The following GPRIN1 variants were observed in gnomAD, a reference collection of about 807,000 sequenced individuals.
GPRIN1 encodes the protein G protein regulated inducer of neurite outgrowth 1.
In GPRIN1, 4 loss-of-function variants were observed where a neutral mutation model predicts 2.8. That is an observed-to-expected ratio of 1.45 (90% CI 0.71 to 3.32). The LOEUF (loss-of-function observed/expected upper bound fraction) is 3.32. Ranked by LOEUF, GPRIN1 falls within the 30% of genes most tolerant of loss-of-function variation. The pLI is 0.01. For synonymous variants in GPRIN1, 589 were observed against 589.9 expected (o/e 1.00, Z 0.02); for missense variants, 1,322 against 1,343.4 (o/e 0.98, Z 0.25).
At chr5:176,600,087 C>T (rs542896670) in intron 1 of GPRIN1, among the ~76,000 whole-genome samples, 1 of 152,342 alleles carries the variant, frequency 6.6e-6, no homozygotes, top group African/African-American at 2.4e-5. Flanking sequence ...AGGCATTCAA[C>T]GCCCTTCACA....
chr5:176,597,611 T>C lies in GPRIN1; in HGVS notation c.2224A>G (p.Arg742Gly). The C allele has an allele frequency of 1.2e-6, 2 of 1,600,062 alleles. No individual in the cohort carries two copies. Among genetic ancestry groups the C allele is most frequent in the Non-Finnish European group, 1.7e-6 (2 of 1,178,794 alleles). ...GGCTCCACGCGGCCTTCACTGCCCC[T>C]GGCACCCTCGGGAGACCGGGCTGAG... ...LGSARSPEGA[R>G]GSEGRVEPKA... Residue 742 changes from arginine (R) to glycine (G), a missense_variant, in exon 2 of 2, where the codon AGG (arginine) becomes GGG (glycine). This residue lies in a region of GPRIN1 where 1,117 missense variants were observed against 1,128.6 expected (regional missense o/e 0.99). Transcript: ENST00000303991. The surrounding 1 kb of genome is among the most constrained non-coding windows in gnomAD (Gnocchi z 6.1).
Position 176,597,457 on chromosome 5 carries a change from T to C in GPRIN1, c.2378A>G (p.Asn793Ser), listed in dbSNP as rs1008721053. ...CTCCCACGACGGCGCCTTGGTGAAG[T>C]TGTCGCGAGTCCGCGGCCCCGGCGG... ...APPPGPRTRD[N>S]FTKAPSWEAS... Residue 793 changes from asparagine to serine, a missense_variant, in exon 2 of 2, where the codon AAC becomes AGC. By Grantham distance (46) the Asn-to-Ser change is conservative. Transcript: ENST00000303991. The surrounding 1 kb of genome is among the most constrained non-coding windows in gnomAD (Gnocchi z 6.1). 23 of 1,317,842 alleles carry C rather than the reference T, an allele frequency of 1.7e-5. No homozygotes were observed. The highest frequency in any genetic ancestry group is 2.0e-5 in the Non-Finnish European group (21 of 1,037,722). 81.6% of individuals were successfully genotyped at this position (1,317,842 alleles called of 1,614,324 possible).
Position 176,596,768 on chromosome 5 carries a change from T to C in GPRIN1, c.*40A>G, listed in dbSNP as rs1446170712. 7.2e-7 allele frequency: 1 copy of C among 1,389,198 alleles called. No homozygotes were observed. The highest frequency in any genetic ancestry group is 1.7e-5 in the South Asian group (1 of 59,914). The allele number at this position is 1,389,198 out of a possible 1,614,324, so 86.1% of individuals were successfully genotyped here. On this transcript the variant is annotated 3_prime_UTR_variant, in exon 2 of 2. Coordinates refer to ENST00000303991, the MANE Select transcript of GPRIN1 (RefSeq NM_052899.3). The surrounding 1 kb of genome is among the most constrained non-coding windows in gnomAD (Gnocchi z 5.2). ...GGGGCCTGTGATCAAGAAGGGAGCCTGAGAAGGTCGGAAACTCGGGCGTAC... is the reference window on the plus strand; with the variant it reads ...GGGGCCTGTGATCAAGAAGGGAGCCCGAGAAGGTCGGAAACTCGGGCGTAC...
rs1193082156 is a variant in GPRIN1 at position 176,598,075 on chromosome 5, G to A, written c.1760C>T (p.Ser587Leu). The change falls in exon 2 of 2, where the codon TCG becomes TTG. Residue 587 changes from serine (S) to leucine (L), a missense_variant. Around this residue, in one of 3 missense-constraint regions of GPRIN1, gnomAD observed 1,117 missense variants for 1,128.6 expected, o/e 0.99. Transcript: ENST00000303991. ...CAGGGACACGGGATCCACCTTCCCC[G>A]AGGGCACCGGGACTGTTTTTCCTGG... ...STPGKTVPVP[S>L]GKVDPVSLGK... 3.7e-6 allele frequency: 6 copies of A among 1,613,792 alleles called. No homozygotes were observed. The highest frequency in any genetic ancestry group is 3.3e-5 in the Admixed American group (2 of 59,998).
Position 176,599,682 on chromosome 5 carries a change from CT to C in GPRIN1, c.152del (p.Lys51ArgfsTer85). The C allele has an allele frequency of 1.3e-6, 2 of 1,570,318 alleles. No homozygotes were observed. Among genetic ancestry groups the C allele is most frequent in the Non-Finnish European group, 1.7e-6 (2 of 1,156,544 alleles). On this transcript the variant is annotated frameshift_variant, in exon 2 of 2. Coordinates refer to ENST00000303991, the MANE Select transcript of GPRIN1 (RefSeq NM_052899.3). LOFTEE classifies it low-confidence loss of function (END_TRUNC). ...AMRDYCPSQQKASPAPPRHTP... is the reference protein window; with the variant it reads ...AMRDYCPSQQXASPAPPRHTP... ...TGTGCCTGGGGGGTGCAGGGCTTGC[CT>C]TTTGCTGGGAGGGGCAGTAATCCCT...
chr5:176,598,842 A>G lies in GPRIN1; in HGVS notation c.993T>C (p.Pro331=). ...CAGGAGCCCCGGTCCCAGAGGATAC[A>G]GGCCCATTCTTGCCTGATGAGCCTG... The part of the protein sequence containing the change: ...LIPGSSGKNG[P]VSSGTGAPGS... Residue 331 remains proline, a synonymous_variant, in exon 2 of 2, where the codon CCT becomes CCC. Transcript: ENST00000303991. 1 of 1,613,652 alleles carries G rather than the reference A, an allele frequency of 6.2e-7. No homozygotes were observed. Among genetic ancestry groups the G allele is most frequent in the South Asian group, 1.1e-5 (1 of 91,060 alleles).
rs1247077269 is a variant in GPRIN1 at position 176,597,066 on chromosome 5, C to T, written c.2769G>A (p.Glu923=). 6 of 1,512,494 alleles carry T rather than the reference C, an allele frequency of 4.0e-6. No individual in the cohort carries two copies. Among genetic ancestry groups the T allele is most frequent in the Non-Finnish European group, 5.3e-6 (6 of 1,128,572 alleles). The allele number at this position is 1,512,494 out of a possible 1,614,324, so 93.7% of individuals were successfully genotyped here. The change falls in exon 2 of 2, where the codon GAG becomes GAA. Residue 923 remains glutamate, a synonymous_variant. Coordinates refer to ENST00000303991, the MANE Select transcript of GPRIN1 (RefSeq NM_052899.3). The surrounding 1 kb of genome is among the most constrained non-coding windows in gnomAD (Gnocchi z 6.1). ...VSWDEKGMTW[E]VYGAAMEVEV... ...CCACCTCCATGGCGGCGCCGTATAC[C>T]TCCCACGTCATGCCCTTCTCGTCCC...
chr5:176,603,382 C>A (rs1367033876), intron 1 of GPRIN1, among the ~76,000 whole-genome samples: 69 of 152,184 alleles, frequency 4.5e-4, no homozygotes, highest in Non-Finnish European at 3.7e-4. Context: ...TCTAGTGGGC[C>A]TTGTTTGGCT....
intron 1 of GPRIN1, among the ~76,000 whole-genome samples, chr5:176,606,962 G>C (rs1759228799): frequency 1.3e-5 from 2 of 152,186 alleles, no homozygotes; most frequent in Admixed American, 1.3e-4. Context: ...TCTGAGATGG[G>C]ATAAAGTCCA....
chr5:176,608,330 C>G (rs369510593), intron 1 of GPRIN1, among the ~76,000 whole-genome samples: 2 of 152,192 alleles, frequency 1.3e-5, no homozygotes, highest in East Asian at 3.8e-4. Context: ...CTCCCCTCCC[C>G]CTGCATACAT....
chr5:176,598,468 T>G lies in GPRIN1; in HGVS notation c.1367A>C (p.Glu456Ala). ...CTCCCTTCTGGAGGACACCGGGTCCTCTTTTCCTGGGGATACAGTTCCTGC... is the reference window on the plus strand; with the variant it reads ...CTCCCTTCTGGAGGACACCGGGTCCGCTTTTCCTGGGGATACAGTTCCTGC... The part of the protein sequence containing the change: ...GKAGTVSPGK[E>A]DPVSSRREDP... Residue 456 changes from glutamate (E) to alanine (A), a missense_variant, in exon 2 of 2, where the codon GAG becomes GCG. Transcript: ENST00000303991. The G allele has an allele frequency of 6.2e-7, 1 of 1,614,130 alleles. No homozygotes were observed. Among genetic ancestry groups the G allele is most frequent in the Non-Finnish European group, 8.5e-7 (1 of 1,180,026 alleles).
In GPRIN1 at chr5:176,596,747, C is replaced by A; in HGVS notation, c.*61G>T. 7.5e-7 allele frequency: 1 copy of A among 1,341,774 alleles called. No homozygotes were observed. Among genetic ancestry groups the A allele is most frequent in the South Asian group, 1.8e-5 (1 of 55,528 alleles). 83.1% of individuals were successfully genotyped at this position (1,341,774 alleles called of 1,614,324 possible). A position where few individuals can be genotyped will look rare whatever the true frequency, so the allele number is the denominator to read the frequency against. On this transcript the variant is annotated 3_prime_UTR_variant, in exon 2 of 2. Coordinates refer to ENST00000303991, the MANE Select transcript of GPRIN1 (RefSeq NM_052899.3). The surrounding 1 kb of genome is among the most constrained non-coding windows in gnomAD (Gnocchi z 5.2). Reference sequence around the variant, plus strand: ...ACGCAGAGGGGACCCCTTCTAGGGGCCTGTGATCAAGAAGGGAGCCTGAGA... The same window carrying A: ...ACGCAGAGGGGACCCCTTCTAGGGGACTGTGATCAAGAAGGGAGCCTGAGA...
chr5:176,601,744 C>T (rs1224192668), intron 1 of GPRIN1, among the ~76,000 whole-genome samples: 1 of 152,138 alleles, frequency 6.6e-6, no homozygotes, highest in Non-Finnish European at 1.5e-5. Context: ...TGCTCAGGCC[C>T]AAATCCCTAA....
chr5:176,597,765 G>A lies in GPRIN1; in HGVS notation c.2070C>T (p.Ser690=). 4 of 1,604,196 alleles carry A rather than the reference G, an allele frequency of 2.5e-6. No individual in the cohort carries two copies. Among genetic ancestry groups the A allele is most frequent in the Non-Finnish European group, 2.6e-6 (3 of 1,175,288 alleles). The change falls in exon 2 of 2, where the codon TCC becomes TCT. Residue 690 remains serine, a synonymous_variant. Transcript: ENST00000303991. This position sits in a 1 kb window ranked among gnomAD's most constrained non-coding sequence, Gnocchi z 6.1. ...PLASGKGEPV[S]LGKADSAPSR... ...AAGGTGCAGAGTCGGCTTTCCCCAGGGACACAGGCTCTCCCTTCCCTGAGG... is the reference window on the plus strand; with the variant it reads ...AAGGTGCAGAGTCGGCTTTCCCCAGAGACACAGGCTCTCCCTTCCCTGAGG...
intron 1 of GPRIN1, among the ~76,000 whole-genome samples, chr5:176,607,629 C>A (rs898527262): frequency 2.0e-5 from 3 of 152,186 alleles, no homozygotes; most frequent in Admixed American, 1.3e-4. Context: ...CAGGCATGAG[C>A]CACTGCACCC....
intron 1 of GPRIN1, among the ~76,000 whole-genome samples, chr5:176,608,017 C>T (rs535779604): frequency 4.5e-4 from 66 of 145,836 alleles, no homozygotes; most frequent in Non-Finnish European, 7.8e-4. Flanking sequence ...CCTCCAACTC[C>T]TCAGCTCAAG....
intron 1 of GPRIN1, among the ~76,000 whole-genome samples, chr5:176,608,177 C>T (rs1759251501): frequency 1.3e-5 from 2 of 152,234 alleles, no homozygotes; most frequent in South Asian, 4.1e-4. Context: ...GCCTGGGCTT[C>T]TCAAAGTATT....
At position 176,597,607 on chromosome 5, in the gene GPRIN1, C is replaced by T; in HGVS notation, c.2228G>A (p.Gly743Asp). The change falls in exon 2 of 2, where the codon GGC becomes GAC. Residue 743 changes from glycine (G) to aspartate (D), a missense_variant. This residue lies in a region of GPRIN1 where 1,117 missense variants were observed against 1,128.6 expected (regional missense o/e 0.99). Transcript: ENST00000303991. This position sits in a 1 kb window ranked among gnomAD's most constrained non-coding sequence, Gnocchi z 6.1. ...CTTCGGCTCCACGCGGCCTTCACTG[C>T]CCCTGGCACCCTCGGGAGACCGGGC... is the stretch of plus-strand genomic sequence containing the variant. ...GSARSPEGAR[G>D]SEGRVEPKAE... 6.3e-7 allele frequency: 1 copy of T among 1,599,648 alleles called. No homozygotes were observed. Among genetic ancestry groups the T allele is most frequent in the African/African-American group, 1.3e-5 (1 of 75,004 alleles).
At position 176,596,522 on chromosome 5, in the gene GPRIN1, C is replaced by T. The variant is rs1759036748; in HGVS notation, c.*286G>A. On this transcript the variant is annotated 3_prime_UTR_variant, in exon 2 of 2. Coordinates refer to ENST00000303991, the MANE Select transcript of GPRIN1 (RefSeq NM_052899.3). This position sits in a 1 kb window ranked among gnomAD's most constrained non-coding sequence, Gnocchi z 5.2. ...GGGAGGTGAGGGTGCTGAGCAGGCCCCCGTGGTCGCCCAGTGTGACCGGGA... is the reference window on the plus strand; with the variant it reads ...GGGAGGTGAGGGTGCTGAGCAGGCCTCCGTGGTCGCCCAGTGTGACCGGGA... 1 of 202,484 alleles carries T rather than the reference C, an allele frequency of 4.9e-6. No individual in the cohort carries two copies. The highest frequency in any genetic ancestry group is 6.0e-5 in the Admixed American group (1 of 16,628). 12.5% of individuals were successfully genotyped at this position (202,484 alleles called of 1,614,324 possible). A position where few individuals can be genotyped will look rare whatever the true frequency, so the allele number is the denominator to read the frequency against.
Sources: allele counts gnomAD v4.1 joint callset (sites outside exome capture counted in the v4.1 genomes callset), GRCh38; gene constraint gnomAD v4.1.1; regional missense constraint gnomAD v4.1.1; non-coding constraint Gnocchi (gnomAD v3.1); transcripts MANE v1.5; gene names NCBI Gene and HGNC (gene_info 2026-07-23, HGNC 2026-07-21).